The following HNRNPUL1 variants were observed in gnomAD, a reference collection of about 807,000 sequenced individuals.
The protein encoded by HNRNPUL1 is heterogeneous nuclear ribonucleoprotein U like 1, also known as heterogeneous nuclear ribonucleoprotein U-like protein 1.
HNRNPUL1 carries 14 observed loss-of-function variants against 108.5 expected under a neutral mutation model. That is an observed-to-expected ratio of 0.13 (90% CI 0.09 to 0.20). The LOEUF (loss-of-function observed/expected upper bound fraction) is 0.20. HNRNPUL1 is among the 10% of genes least tolerant of loss of function. HNRNPUL1 has a pLI of 1.00. For synonymous variants in HNRNPUL1, 422 were observed against 445.2 expected (o/e 0.95, Z 0.66); for missense variants, 804 against 1,168.3 (o/e 0.69, Z 4.55).
At chr19:41,270,910 A>G (rs902556654) in intron 2 of HNRNPUL1, among the ~76,000 whole-genome samples, 1 of 151,944 alleles carries the variant, frequency 6.6e-6, no homozygotes, top group Admixed American at 6.6e-5. Context: ...TCCCCATTTT[A>G]TAGATTGAGG....
intron 3 of HNRNPUL1, among the ~76,000 whole-genome samples, chr19:41,273,514 T>A (rs1412081235): frequency 4.6e-5 from 7 of 152,246 alleles, no homozygotes; most frequent in African/African-American, 1.4e-4. Context: ...TCATCTCAAA[T>A]TCTTACAGAT....
At chr19:41,287,502 G>GT (rs1196099301) in intron 7 of HNRNPUL1, among the ~76,000 whole-genome samples, 2 of 152,024 alleles carry the variant, frequency 1.3e-5, no homozygotes, top group Non-Finnish European at 2.9e-5. Context: ...TGTGTCTTTA[G>GT]TTTCCTTTAG....
At chr19:41,301,476 A>C in intron 10 of HNRNPUL1, 60 bp from the exon 11 acceptor site, 1 of 1,472,380 alleles carries the variant, frequency 6.8e-7, no homozygotes, top group Non-Finnish European at 9.3e-7. Context: ...AATACCCCTC[A>C]GAGGAAAAAA....
chr19:41,282,320 T>C (rs911023434), intron 7 of HNRNPUL1, among the ~76,000 whole-genome samples: 2 of 151,742 alleles, frequency 1.3e-5, no homozygotes, highest in African/African-American at 2.4e-5. Flanking sequence ...GTAGCTGGGA[T>C]TGCAGGCATG....
intron 1 of HNRNPUL1, among the ~76,000 whole-genome samples, chr19:41,267,113 G>A (rs1014389799): frequency 3.8e-4 from 58 of 152,180 alleles, no homozygotes; most frequent in Admixed American, 2.0e-4. Flanking sequence ...TCACCTCTGT[G>A]GGCCTGGTTT....
At chr19:41,293,005 A>G (rs1164768961) in intron 8 of HNRNPUL1, among the ~76,000 whole-genome samples, 3 of 152,088 alleles carry the variant, frequency 2.0e-5, no homozygotes, top group South Asian at 4.1e-4. Flanking sequence ...CCACCATGCC[A>G]GGCTAACTTT....
intron 7 of HNRNPUL1, among the ~76,000 whole-genome samples, chr19:41,282,139 TC>T (rs1335994800): frequency 3.9e-5 from 6 of 152,198 alleles, no homozygotes; most frequent in Non-Finnish European, 7.3e-5. Context: ...TCTTTTGCCT[TC>T]CTTCATATTT....
chr19:41,299,962 G>A (rs1278610471), intron 10 of HNRNPUL1, among the ~76,000 whole-genome samples: 2 of 152,142 alleles, frequency 1.3e-5, no homozygotes, highest in East Asian at 1.9e-4. Flanking sequence ...TTTTACTCAC[G>A]TGGACTCATT....
Position 41,264,811 on chromosome 19 carries a change from G to A in HNRNPUL1, c.295+13G>A. 7.4e-7 allele frequency: 1 copy of A among 1,342,808 alleles called. No individual in the cohort carries two copies. Among genetic ancestry groups the A allele is most frequent in the Middle Eastern group, 2.8e-4 (1 of 3,610 alleles). 83.2% of individuals were successfully genotyped at this position (1,342,808 alleles called of 1,614,324 possible). A position where few individuals can be genotyped will look rare whatever the true frequency, so the allele number is the denominator to read the frequency against. ...CCGGACGGACATTGTGAGAGTGCGC[G>A]GGGCGGGGGCCGGGGAGCCCGGAGC... On this transcript the variant is annotated intron_variant, in intron 1 of 14. Coordinates refer to ENST00000392006, the MANE Select transcript of HNRNPUL1 (RefSeq NM_007040.6).
At chr19:41,275,471 A>C (rs1413420765) in intron 4 of HNRNPUL1, among the ~76,000 whole-genome samples, 1 of 151,994 alleles carries the variant, frequency 6.6e-6, no homozygotes, top group Non-Finnish European at 1.5e-5. Context: ...CTGGGTGACA[A>C]AGCGAGACCT....
intron 6 of HNRNPUL1, among the ~76,000 whole-genome samples, chr19:41,280,708 T>C (rs2035852169): frequency 6.6e-6 from 1 of 152,162 alleles, no homozygotes; most frequent in African/African-American, 2.4e-5. Context: ...AGCACCCAGT[T>C]CTGTAGCCTG....
Position 41,265,007 on chromosome 19 carries a change from A to AG in HNRNPUL1, c.295+213dup. 2.6e-6 allele frequency: 3 copies of AG among 1,143,878 alleles called. No individual in the cohort carries two copies. In the South Asian group the frequency reaches 5.4e-5, roughly 20 times the overall value. 70.9% of individuals were successfully genotyped at this position (1,143,878 alleles called of 1,614,324 possible). On this transcript the variant is annotated intron_variant, in intron 1 of 14. Transcript: ENST00000392006. ...CTCAGTGCAGGGGGGACACTGGGGG[A>AG]GGGGCCTCTGGGTTTCGGAGGTGAG...
At chr19:41,277,621 C>T (rs2035649070) in intron 5 of HNRNPUL1, among the ~76,000 whole-genome samples, 1 of 152,220 alleles carries the variant, frequency 6.6e-6, no homozygotes, top group Non-Finnish European at 1.5e-5. Flanking sequence ...ATTATCCTGC[C>T]TCAGCCTCCC....
In HNRNPUL1 at chr19:41,279,145, C is replaced by T. The variant is rs180964950; in HGVS notation, c.855C>T (p.Gly285=). The T allele has an allele frequency of 2.1e-5, 34 of 1,613,738 alleles. No homozygotes were observed. The Admixed American group carries it at 5.0e-4, about 24-fold the overall frequency. ...CTGACCCCCACGTGGTCCGTATCGG[C>T]TGGTCCCTGGACTCCTGCAGCACCC... is the stretch of plus-strand genomic sequence containing the variant. ...TEPDPHVVRI[G]WSLDSCSTQL... Residue 285 remains glycine, a synonymous_variant, in exon 6 of 15, where the codon GGC becomes GGT. Coordinates refer to ENST00000392006, the MANE Select transcript of HNRNPUL1 (RefSeq NM_007040.6).
chr19:41,303,901 A>G (rs2037387078), intron 12 of HNRNPUL1, 71 bp from the exon 13 acceptor site: 11 of 1,543,078 alleles, frequency 7.1e-6, no homozygotes, highest in Non-Finnish European at 9.6e-6. Context: ...AGTAGTCACC[A>G]AGACAACCCA....
chr19:41,286,276 G>C (rs1009616670), intron 7 of HNRNPUL1: 8 of 151,082 alleles, frequency 5.3e-5, no homozygotes, highest in African/African-American at 1.9e-4. Flanking sequence ...TATATTGAAT[G>C]AAAAAAGTAC....
intron 1 of HNRNPUL1, chr19:41,265,217 G>T (rs2034750150): frequency 1.3e-6 from 2 of 1,514,872 alleles, no homozygotes; most frequent in South Asian, 2.5e-5. Context: ...CGTGTGGGCT[G>T]GGGGGTGGGG....
intron 6 of HNRNPUL1, among the ~76,000 whole-genome samples, chr19:41,279,664 T>C (rs2035790250): frequency 6.6e-6 from 1 of 152,208 alleles, no homozygotes; most frequent in Admixed American, 6.5e-5. Flanking sequence ...TCAATGACCT[T>C]CTGGTCCCAA....
intron 7 of HNRNPUL1, among the ~76,000 whole-genome samples, chr19:41,289,218 T>G (rs2036436656): frequency 6.6e-6 from 1 of 152,212 alleles, no homozygotes; most frequent in African/African-American, 2.4e-5. Context: ...TATAGTTTTC[T>G]TTGTTCAGAA....
Sources: allele counts gnomAD v4.1 joint callset (sites outside exome capture counted in the v4.1 genomes callset), GRCh38; gene constraint gnomAD v4.1.1; transcripts MANE v1.5; gene names NCBI Gene and HGNC (gene_info 2026-07-23, HGNC 2026-07-21).